Variants in ANXA4 observed in about 807,000 individuals in gnomAD.
The protein encoded by ANXA4 is 35-beta calcimedin.
A neutral mutation model predicts 49.8 loss-of-function variants in ANXA4; 39 were observed. That is an observed-to-expected ratio of 0.78 (90% CI 0.61 to 1.02). ANXA4 has a LOEUF of 1.02. ANXA4 is among the 50% of genes least tolerant of loss of function. The pLI, the probability that ANXA4 is intolerant of heterozygous loss-of-function variation, is 0.00. For missense variants in ANXA4, 360 were observed against 410.1 expected, an observed-to-expected ratio of 0.88 and a Z score of 1.05; for synonymous variants, 134 against 152.5, an observed-to-expected ratio of 0.88 and a Z score of 0.89.
intron 2 of ANXA4, among the ~76,000 whole-genome samples, chr2:69,661,771 A>G (rs1455433918): frequency 6.7e-6 from 1 of 149,074 alleles, no homozygotes; most frequent in Non-Finnish European, 1.5e-5. Context: ...TGCACTGGAT[A>G]CGTCTGAAAG....
intron 2 of ANXA4, among the ~76,000 whole-genome samples, chr2:69,705,748 A>G (rs1377823598): frequency 1.3e-5 from 2 of 152,168 alleles, no homozygotes; most frequent in African/African-American, 4.8e-5. Flanking sequence ...CCTGGCCAAC[A>G]TGGTGAGACC....
chr2:69,764,948 G>A (rs1325357128), intron 1 of ANXA4, among the ~76,000 whole-genome samples: 1 of 148,408 alleles, frequency 6.7e-6, no homozygotes, highest in East Asian at 2.1e-4. Context: ...TCATCCTTTT[G>A]TGACTGGCTT....
chr2:69,750,238 A>G lies in ANXA4; in HGVS notation c.-47+8063A>G, dbSNP rs561090864. On this transcript the variant is annotated intron_variant, in intron 1 of 12. Transcript: ENST00000394295. ...TTTCCAACCTTAAAATTAACATTCG[A>G]TCATATACTTCCTTATATGTGTACA... is the stretch of plus-strand genomic sequence containing the variant. 4.6e-5 allele frequency among the ~76,000 whole-genome samples: 7 copies of G among 152,356 alleles called. No individual in the cohort carries two copies. In the South Asian group the frequency reaches 1.4e-3, roughly 32 times the overall value.
intron 2 of ANXA4, among the ~76,000 whole-genome samples, chr2:69,680,614 A>G (rs1029468886): frequency 5.9e-5 from 9 of 152,122 alleles, no homozygotes; most frequent in African/African-American, 1.9e-4. Flanking sequence ...TCTTTTCCCC[A>G]TTCAGTATGA....
chr2:69,680,530 C>G (rs1677558894), intron 2 of ANXA4, among the ~76,000 whole-genome samples: 1 of 152,180 alleles, frequency 6.6e-6, no homozygotes, highest in African/African-American at 2.4e-5. Flanking sequence ...CTAGGACTTT[C>G]AATCCTGTGT....
At chr2:69,719,501 G>A (rs1398949101) in intron 2 of ANXA4, among the ~76,000 whole-genome samples, 1 of 151,136 alleles carries the variant, frequency 6.6e-6, no homozygotes, top group Non-Finnish European at 1.5e-5. Context: ...GTGCAGTGGT[G>A]CAATCTCGGC....
intron 2 of ANXA4, among the ~76,000 whole-genome samples, chr2:69,677,241 T>A (rs1158544980): frequency 6.6e-6 from 1 of 152,144 alleles, no homozygotes; most frequent in Non-Finnish European, 1.5e-5. Flanking sequence ...AAATATATAA[T>A]TTTTTTTGAG....
chr2:69,649,043 C>T (rs929219134), intron 1 of ANXA4, among the ~76,000 whole-genome samples: 7 of 151,910 alleles, frequency 4.6e-5, no homozygotes, highest in African/African-American at 1.2e-4. Context: ...TGTGCCACCA[C>T]GCCTAGCTAA....
intron 8 of ANXA4, 176 bp from the exon 9 acceptor site, chr2:69,815,925 C>T (rs1673968957): frequency 1.7e-6 from 1 of 588,120 alleles, no homozygotes; most frequent in Non-Finnish European, 3.1e-6. Context: ...AGGGTCCCAA[C>T]AGCCTTATGC....
chr2:69,747,638 C>T (rs565568004), intron 1 of ANXA4, among the ~76,000 whole-genome samples: 6 of 152,140 alleles, frequency 3.9e-5, no homozygotes, highest in Non-Finnish European at 7.4e-5. Context: ...GTCATGGATA[C>T]AGGTTGAGCA....
intron 3 of ANXA4, among the ~76,000 whole-genome samples, chr2:69,724,843 C>T (rs1436631427): frequency 6.6e-6 from 1 of 150,830 alleles, no homozygotes; most frequent in East Asian, 2.0e-4. Context: ...GCGTCCTCGC[C>T]TAAGTACTGG....
Position 69,825,690 on chromosome 2 carries a change from G to T in ANXA4, c.*175G>T. 1 of 498,474 alleles carries T rather than the reference G, an allele frequency of 2.0e-6. No homozygotes were observed. Among genetic ancestry groups the T allele is most frequent in the South Asian group, 4.0e-5 (1 of 24,888 alleles). The allele number at this position is 498,474 out of a possible 1,614,324, so 30.9% of individuals were successfully genotyped here. A position where few individuals can be genotyped will look rare whatever the true frequency, so the allele number is the denominator to read the frequency against. On this transcript the variant is annotated 3_prime_UTR_variant, in exon 13 of 13. Transcript: ENST00000394295. ...TTATTCACCTATAATTAGTCATTAT[G>T]ATGCTTTAAAGCTGTACTTGCATTT...
intron 3 of ANXA4, among the ~76,000 whole-genome samples, chr2:69,722,002 T>G (rs1669824042): frequency 6.6e-6 from 1 of 152,150 alleles, no homozygotes. Context: ...TTCTATAAAA[T>G]AGAAATAATA....
rs1411865152 is a variant in ANXA4, at chr2:69,812,695, A to G, written c.520A>G (p.Arg174Gly). ...AAATTATCTGGACGATGCTCTCGTG[A>G]GACAGGATGCCCAGGTTGGTAGAAC... is the stretch of plus-strand genomic sequence containing the variant. ...EGNYLDDALV[R>G]QDAQDLYEAG... Residue 174 changes from arginine (R) to glycine (G), a missense_variant, in exon 8 of 13, where the codon AGA (arginine) becomes GGA (glycine). Coordinates refer to ENST00000394295, the MANE Select transcript of ANXA4 (RefSeq NM_001153.5). 6.2e-7 allele frequency: 1 copy of G among 1,614,122 alleles called. No individual in the cohort carries two copies. Among genetic ancestry groups the G allele is most frequent in the East Asian group, 2.2e-5 (1 of 44,890 alleles).
At chr2:69,669,295 A>G (rs1677066516) in intron 2 of ANXA4, among the ~76,000 whole-genome samples, 1 of 151,800 alleles carries the variant, frequency 6.6e-6, no homozygotes, top group South Asian at 2.1e-4. Flanking sequence ...TAAGGGTGTA[A>G]CCAAACAAAT....
chr2:69,716,042 C>G (rs772487586), intron 2 of ANXA4, among the ~76,000 whole-genome samples: 1 of 152,206 alleles, frequency 6.6e-6, no homozygotes, highest in Non-Finnish European at 1.5e-5. Context: ...AGAAAGAAGC[C>G]TCACTCTCTC....
chr2:69,657,320 A>T (rs535305428), intron 2 of ANXA4, among the ~76,000 whole-genome samples: 1 of 152,146 alleles, frequency 6.6e-6, no homozygotes, highest in Non-Finnish European at 1.5e-5. Context: ...AACACCTTGT[A>T]CTCGCTCATA....
At chr2:69,774,155 C>A (rs1227735758) in intron 1 of ANXA4, among the ~76,000 whole-genome samples, 1 of 151,864 alleles carries the variant, frequency 6.6e-6, no homozygotes, top group African/African-American at 2.4e-5. Context: ...AAATTTCCAC[C>A]CTGCTAAGAC....
Position 69,791,262 on chromosome 2 carries a change from G to A in ANXA4, c.97+3121G>A, listed in dbSNP as rs76418195. ...GACTGTGTAGACAGATATGAGGCCAGTTTTCCCCAGGGGCTTTTATTGGCT... is the reference window on the plus strand; with the variant it reads ...GACTGTGTAGACAGATATGAGGCCAATTTTCCCCAGGGGCTTTTATTGGCT... On this transcript the variant is annotated intron_variant, in intron 3 of 12. Coordinates refer to ENST00000394295, the MANE Select transcript of ANXA4 (RefSeq NM_001153.5). Among the ~76,000 whole-genome samples the A allele has an allele frequency of 8.2e-3, 1,256 of 152,286 alleles. 21 individuals carry two copies. The highest frequency in any genetic ancestry group is 0.028 in the African/African-American group (1,166 of 41,548).
Sources: allele counts gnomAD v4.1 joint callset (sites outside exome capture counted in the v4.1 genomes callset), GRCh38; gene constraint gnomAD v4.1.1; transcripts MANE v1.5; gene names NCBI Gene and HGNC (gene_info 2026-07-23, HGNC 2026-07-21).